The following HERC2 variants were observed in gnomAD, a reference collection of about 807,000 sequenced individuals.
HERC2 encodes the protein E3 ubiquitin-protein ligase HERC2.
A neutral mutation model predicts 537.7 loss-of-function variants in HERC2; 102 were observed. The observed-to-expected ratio is 0.19, with a 90% CI of 0.16 to 0.22. HERC2 has a LOEUF of 0.22. Ranked by LOEUF, HERC2 falls within the 10% of genes least tolerant of loss-of-function variation. The pLI, the probability that HERC2 is intolerant of heterozygous loss-of-function variation, is 1.00. For synonymous variants in HERC2, 2,224 were observed against 2,466.2 expected (o/e 0.90, Z 2.91); for missense variants, 4,236 against 6,198.2 (o/e 0.68, Z 10.63).
chr15:28,264,301 GC>G (rs1465885272), intron 14 of HERC2, among the ~76,000 whole-genome samples: 2 of 152,156 alleles, frequency 1.3e-5, no homozygotes, highest in African/African-American at 4.8e-5. Flanking sequence ...ATGCCTGCAT[GC>G]CAATACAACT....
chr15:28,160,454 G>A (rs1893473723), intron 69 of HERC2, among the ~76,000 whole-genome samples: 1 of 152,182 alleles, frequency 6.6e-6, no homozygotes, highest in South Asian at 2.1e-4. Flanking sequence ...CCCCCAGCCT[G>A]GCTGCTGCCT....
chr15:28,139,895 C>A (rs1891022176), intron 78 of HERC2, among the ~76,000 whole-genome samples: 4 of 132,340 alleles, frequency 3.0e-5, no homozygotes, highest in South Asian at 2.2e-4. Context: ...CCCATCTCTA[C>A]TAAAAAAAAA....
intron 43 of HERC2, among the ~76,000 whole-genome samples, 193 bp downstream of exon 43, chr15:28,212,252 C>A (rs1480022325): frequency 6.6e-6 from 1 of 152,138 alleles, no homozygotes; most frequent in Non-Finnish European, 1.5e-5. Flanking sequence ...CCGAACATGG[C>A]GACAAAAGCT....
intron 4 of HERC2, among the ~76,000 whole-genome samples, chr15:28,287,932 G>A (rs2076205285): frequency 1.3e-5 from 2 of 151,916 alleles, no homozygotes; most frequent in Admixed American, 1.3e-4. Context: ...CACCGTGTTA[G>A]CCAGCATGGT....
At chr15:28,227,000 C>T (rs1438853979) in intron 35 of HERC2, among the ~76,000 whole-genome samples, 4 of 152,178 alleles carry the variant, frequency 2.6e-5, no homozygotes, top group Admixed American at 6.5e-5. Flanking sequence ...ACGGGCTGGG[C>T]GCAGTGGCTC....
chr15:28,260,855 G>A lies in HERC2; in HGVS notation c.2238C>T (p.Arg746=), dbSNP rs548483155. Residue 746 remains arginine (R), a synonymous_variant, in exon 16 of 93, where the codon CGC becomes CGT. Transcript: ENST00000261609. The stretch of plus-strand genomic sequence containing the variant: ...ATGCTGCAGGTTCTGGCTTGGTCAC[G>A]CGCAAGGTGTCAAAGTGCTGGCACT... The part of the protein sequence containing the change: ...NDQCQHFDTL[R]VTKPEPAALP... 4.3e-5 allele frequency: 70 copies of A among 1,614,114 alleles called. No individual in the cohort carries two copies. The highest frequency in any genetic ancestry group is 2.7e-4 in the East Asian group (12 of 44,896).
intron 16 of HERC2, among the ~76,000 whole-genome samples, chr15:28,257,830 G>A (rs996416796): frequency 2.6e-5 from 4 of 151,086 alleles, no homozygotes; most frequent in Non-Finnish European, 5.9e-5. Context: ...ACAGGTGCCC[G>A]CCACCAAGCC....
intron 15 of HERC2, among the ~76,000 whole-genome samples, chr15:28,261,474 G>C (rs2075413384): frequency 6.6e-6 from 1 of 152,024 alleles, no homozygotes; most frequent in African/African-American, 2.4e-5. Flanking sequence ...CAACACAAAG[G>C]GTGTTTCGCA....
At chr15:28,145,366 C>T (rs1413517243) in intron 71 of HERC2, among the ~76,000 whole-genome samples, 1 of 152,224 alleles carries the variant, frequency 6.6e-6, no homozygotes. Context: ...GCCAAGAGAA[C>T]CCTGCCAGAT....
intron 86 of HERC2, among the ~76,000 whole-genome samples, chr15:28,118,996 G>A (rs1333397824): frequency 3.9e-5 from 6 of 152,114 alleles, no homozygotes; most frequent in African/African-American, 7.2e-5. Context: ...CACCACGCAC[G>A]GTGGCTCACG....
intron 48 of HERC2, 146 bp from the exon 49 acceptor site, chr15:28,198,915 A>C (rs1193325730): frequency 1.4e-6 from 1 of 724,142 alleles, no homozygotes; most frequent in Non-Finnish European, 2.2e-6. Context: ...TGGGAGGCTG[A>C]GGTGGGAGGA....
intron 4 of HERC2, 54 bp from the exon 5 acceptor site, chr15:28,280,341 G>T: frequency 7.1e-7 from 1 of 1,402,528 alleles, no homozygotes; most frequent in Non-Finnish European, 9.8e-7. Flanking sequence ...GCCACAGTTT[G>T]TTGCAATGTT....
intron 48 of HERC2, among the ~76,000 whole-genome samples, chr15:28,200,893 G>T (rs1897840307): frequency 7.1e-6 from 1 of 140,906 alleles, no homozygotes; most frequent in Non-Finnish European, 1.5e-5. Flanking sequence ...ATTAGGACAA[G>T]AAATGATTTA....
intron 44 of HERC2, among the ~76,000 whole-genome samples, chr15:28,210,133 TTTTA>T (rs1332024356): frequency 6.6e-6 from 1 of 151,338 alleles, no homozygotes; most frequent in Non-Finnish European, 1.5e-5. Context: ...CACTATTTTT[TTTTA>T]TTTATTTATT....
intron 5 of HERC2, among the ~76,000 whole-genome samples, chr15:28,278,631 C>T (rs1478874557): frequency 1.3e-5 from 2 of 151,952 alleles, no homozygotes; most frequent in African/African-American, 4.8e-5. Flanking sequence ...AAAAGGAAAA[C>T]AAACACAAAA....
intron 2 of HERC2, among the ~76,000 whole-genome samples, chr15:28,321,110 GA>G (rs1330811652): frequency 3.3e-5 from 5 of 152,046 alleles, no homozygotes; most frequent in African/African-American, 1.2e-4. Context: ...TAATAAATAG[GA>G]AAAAAATTTT....
intron 39 of HERC2, among the ~76,000 whole-genome samples, chr15:28,215,211 C>T (rs2140455066): frequency 6.6e-6 from 1 of 152,210 alleles, no homozygotes; most frequent in Non-Finnish European, 1.5e-5. Context: ...CGCAAGTAAT[C>T]AAGTGAAAAT....
chr15:28,215,654 G>T lies in HERC2; in HGVS notation c.6177C>A (p.His2059Gln). The T allele has an allele frequency of 3.7e-6, 6 of 1,611,468 alleles. No individual in the cohort carries two copies. The highest frequency in any genetic ancestry group is 5.1e-6 in the Non-Finnish European group (6 of 1,179,538). The change falls in exon 39 of 93, where the codon CAC becomes CAA. Residue 2059 changes from histidine to glutamine, a missense_variant. Around this residue, in one of 27 missense-constraint regions of HERC2, gnomAD observed 365 missense variants for 468.8 expected, o/e 0.78. Transcript: ENST00000261609. ...ITLLMKVVEG[H>Q]APFTATSLQR... Reference sequence around the variant, plus strand: ...GCAGCGAGGTGGCAGTGAAGGGTGCGTGCCCTTCCACGACCTTCATGAGCA... The same window carrying T: ...GCAGCGAGGTGGCAGTGAAGGGTGCTTGCCCTTCCACGACCTTCATGAGCA...
chr15:28,116,640 A>G, intron 88 of HERC2, 25 bp downstream of exon 88: 5 of 1,585,872 alleles, frequency 3.2e-6, no homozygotes, highest in Non-Finnish European at 4.3e-6. Context: ...ACAGCGACAC[A>G]GTCTCAAGCG....
Sources: allele counts gnomAD v4.1 joint callset (sites outside exome capture counted in the v4.1 genomes callset), GRCh38; gene constraint gnomAD v4.1.1; regional missense constraint gnomAD v4.1.1; transcripts MANE v1.5; gene names NCBI Gene and HGNC (gene_info 2026-07-23, HGNC 2026-07-21).